The following DMD variants were observed in gnomAD, a reference collection of about 807,000 sequenced individuals.
DMD encodes the protein mutant dystrophin.
DMD carries 63 observed loss-of-function variants against 330.1 expected under a neutral mutation model. That is an observed-to-expected ratio of 0.19 (90% CI 0.16 to 0.24). The LOEUF (loss-of-function observed/expected upper bound fraction) is 0.24, where lower values mean the gene tolerates loss of function less well. Ranked by LOEUF, DMD falls within the 10% of genes least tolerant of loss-of-function variation. The pLI is 1.00. For synonymous variants in DMD, 1,223 were observed against 959.8 expected, an observed-to-expected ratio of 1.27 and a Z score of -5.07; for missense variants, 3,344 against 2,684.1, an observed-to-expected ratio of 1.25 and a Z score of -5.43.
intron 43 of DMD, among the ~76,000 whole-genome samples, chrX:32,270,485 T>C (rs1443510743): frequency 8.9e-6 from 1 of 111,856 alleles, no homozygotes; most frequent in Non-Finnish European, 1.9e-5. Context: ...GTATTTCAAG[T>C]TGCAAGTCTC....
chrX:31,859,022 T>G (rs1467305988), intron 48 of DMD, among the ~76,000 whole-genome samples: 1 of 111,989 alleles, frequency 8.9e-6, no homozygotes, highest in Non-Finnish European at 1.9e-5. Flanking sequence ...TAAGAATCCC[T>G]TTAGTAACTG....
At chrX:31,513,299 C>G (rs2071837634) in intron 55 of DMD, among the ~76,000 whole-genome samples, 1 of 102,811 alleles carries the variant, frequency 9.7e-6, no homozygotes, top group East Asian at 3.0e-4. Flanking sequence ...AATTTGACTT[C>G]CTCTTTTCCT....
chrX:33,097,647 ACT>A (rs2095185463), intron 1 of DMD, among the ~76,000 whole-genome samples: 1 of 77,367 alleles, frequency 1.3e-5, no homozygotes, highest in African/African-American at 5.4e-5. Flanking sequence ...AGTCTCACTC[ACT>A]CTGTCGCCCA....
chrX:31,471,049 C>T (rs4829103), intron 59 of DMD, among the ~76,000 whole-genome samples: 5,637 of 111,704 alleles, frequency 0.05, 155 homozygotes, highest in Non-Finnish European at 0.079. Flanking sequence ...GTGCTGGCAG[C>T]GAGAATTTCA....
chrX:32,079,660 A>G (rs778740932), intron 44 of DMD, among the ~76,000 whole-genome samples: 8 of 110,086 alleles, frequency 7.3e-5, no homozygotes, highest in African/African-American at 1.6e-4. Context: ...GAGGGAGGGG[A>G]AAAAAAAAGA....
chrX:33,064,846 G>A (rs960225527), intron 1 of DMD, among the ~76,000 whole-genome samples: 5 of 110,918 alleles, frequency 4.5e-5, no homozygotes, highest in African/African-American at 6.6e-5. Flanking sequence ...CCAAGATCGC[G>A]CCACTGCACT....
intron 17 of DMD, among the ~76,000 whole-genome samples, chrX:32,523,016 T>TA (rs755241046): frequency 8.9e-6 from 1 of 111,886 alleles, no homozygotes; most frequent in Non-Finnish European, 1.9e-5. Context: ...CACTTCTACT[T>TA]AGAGGTCCCT....
intron 1 of DMD, among the ~76,000 whole-genome samples, chrX:33,336,616 T>C (rs1399116131): frequency 1.8e-5 from 2 of 111,729 alleles, no homozygotes; most frequent in Admixed American, 9.6e-5. Flanking sequence ...GAAAACAATC[T>C]GAGTTTGAGA....
intron 7 of DMD, among the ~76,000 whole-genome samples, chrX:32,710,648 T>C (rs1325426620): frequency 9.0e-6 from 1 of 111,057 alleles, no homozygotes; most frequent in Non-Finnish European, 1.9e-5. Flanking sequence ...AAAACGTATT[T>C]TCAAAAATAA....
intron 2 of DMD, among the ~76,000 whole-genome samples, chrX:32,855,641 C>T (rs774061311): frequency 8.9e-6 from 1 of 111,927 alleles, no homozygotes; most frequent in East Asian, 2.8e-4. Context: ...ACCCTTATCT[C>T]TCGCCATATA....
intron 44 of DMD, among the ~76,000 whole-genome samples, chrX:32,022,052 T>G: frequency 8.9e-6 from 1 of 111,980 alleles, no homozygotes; most frequent in Non-Finnish European, 1.9e-5. Flanking sequence ...AGTAAGTCAT[T>G]TTTTTTAAAG....
chrX:32,452,439 GGGAAAGGAAAGGAAAGGAAAGGAAA>G (rs1220503573), intron 26 of DMD, among the ~76,000 whole-genome samples: 5 of 12,200 alleles, frequency 4.1e-4, no homozygotes, highest in Admixed American at 1.4e-3. Context: ...GAAAGGGAAA[GGGAAAGGAAAGGAAAGGAAAGGAAA>G]GGAAAGGAAA....
At chrX:32,510,626 T>A (rs2045193765) in intron 18 of DMD, among the ~76,000 whole-genome samples, 1 of 111,571 alleles carries the variant, frequency 9.0e-6, no homozygotes, top group Admixed American at 9.5e-5. Flanking sequence ...GCGTAACGCG[T>A]CCATATACAA....
At chrX:32,637,405 C>G (rs1021087114) in intron 11 of DMD, among the ~76,000 whole-genome samples, 10 of 111,884 alleles carry the variant, frequency 8.9e-5, no homozygotes, top group African/African-American at 3.3e-4. Context: ...AAAATGTCAA[C>G]TTCTATTAAA....
chrX:32,252,792 AAAT>A lies in DMD; in HGVS notation c.6290+34734_6290+34736del, dbSNP rs1290838007. ...TATATAAATATATATAAATATATAT[AAAT>A]ATATATATAAATATATATAAGTATA... On this transcript the variant is annotated intron_variant, in intron 43 of 78. Coordinates refer to ENST00000357033, the MANE Select transcript of DMD (RefSeq NM_004006.3). Among the ~76,000 whole-genome samples the A allele has an allele frequency of 2.2e-4, 13 of 59,253 alleles. 1 individual carries two copies. The highest frequency in any genetic ancestry group is 1.2e-3 in the African/African-American group (13 of 11,133). The allele number at this position is 59,253 out of a possible 115,157, so 51.5% of individuals were successfully genotyped here.
intron 60 of DMD, among the ~76,000 whole-genome samples, chrX:31,383,540 C>T (rs1323849619): frequency 8.9e-6 from 1 of 111,912 alleles, no homozygotes; most frequent in African/African-American, 3.2e-5. Flanking sequence ...TGGCAAGGGC[C>T]CCACCCTTAA....
intron 55 of DMD, among the ~76,000 whole-genome samples, chrX:31,546,359 C>T (rs769953916): frequency 3.1e-4 from 35 of 111,867 alleles, no homozygotes; most frequent in African/African-American, 1.0e-3. Context: ...GATTCATACC[C>T]CAGGGCCTTG....
intron 55 of DMD, among the ~76,000 whole-genome samples, chrX:31,563,909 G>T (rs1378116291): frequency 9.0e-6 from 1 of 111,607 alleles, no homozygotes; most frequent in Admixed American, 9.5e-5. Context: ...CTCAGAATGT[G>T]ACCCTATTTG....
At chrX:31,983,201 C>G (rs2095488257) in intron 44 of DMD, among the ~76,000 whole-genome samples, 1 of 110,776 alleles carries the variant, frequency 9.0e-6, no homozygotes, top group African/African-American at 3.3e-5. Context: ...TAATTTTGTT[C>G]TGACATTCAG....
Sources: allele counts gnomAD v4.1 joint callset (sites outside exome capture counted in the v4.1 genomes callset), GRCh38; gene constraint gnomAD v4.1.1; transcripts MANE v1.5; gene names NCBI Gene and HGNC (gene_info 2026-07-23, HGNC 2026-07-21).